Variants in ADGRL2 observed in about 807,000 individuals in gnomAD.
The protein encoded by ADGRL2 is adhesion G protein-coupled receptor L2, also known as calcium-independent alpha-latrotoxin receptor 2.
In ADGRL2, 44 loss-of-function variants were observed where a neutral mutation model predicts 157.4. The ratio of observed to expected loss-of-function variants is 0.28; its 90% confidence interval spans 0.22 to 0.36. The LOEUF is 0.36. Among genes scored for constraint, ADGRL2 ranks in the 10% least tolerant of loss-of-function variants. ADGRL2 has a pLI of 1.00. For synonymous variants in ADGRL2, 585 were observed against 624.7 expected (o/e 0.94, Z 0.95); for missense variants, 1,510 against 1,768.9 (o/e 0.85, Z 2.63).
intron 3 of ADGRL2, among the ~76,000 whole-genome samples, chr1:81,909,085 A>G (rs2094650539): frequency 6.6e-6 from 1 of 152,088 alleles, no homozygotes; most frequent in Non-Finnish European, 1.5e-5. Context: ...CATGTTGGCC[A>G]GGCTGGTCTC....
intron 3 of ADGRL2, among the ~76,000 whole-genome samples, chr1:81,930,374 T>C (rs2095203309): frequency 6.6e-6 from 1 of 152,210 alleles, no homozygotes; most frequent in Non-Finnish European, 1.5e-5. Context: ...ATAATACACT[T>C]TTATAAAATG....
In ADGRL2 at chr1:81,966,500, G is replaced by T. The variant is rs141656433; in HGVS notation, c.2240G>T (p.Arg747Leu). 1,916 of 1,613,644 alleles carry T rather than the reference G, an allele frequency of 1.2e-3. 3 individuals are homozygous for T. The highest frequency in any genetic ancestry group is 3.0e-3 in the Middle Eastern group (18 of 6,062). The change falls in exon 13 of 24, where the codon CGT (arginine) becomes CTT (leucine). Residue 747 changes from arginine (R) to leucine (L), a missense_variant. This residue lies in a region of ADGRL2 where 497 missense variants were observed against 627.2 expected (regional missense o/e 0.79). Transcript: ENST00000686636. ...AAACTGGGTGCTGATTTTATTGGTCGTAATAGCACCATTGCAGTGAACTCT... is the reference window on the plus strand; with the variant it reads ...AAACTGGGTGCTGATTTTATTGGTCTTAATAGCACCATTGCAGTGAACTCT... ...TIKLGADFIG[R>L]NSTIAVNSHV...
chr1:81,729,748 A>C (rs1196901092), intron 1 of ADGRL2, among the ~76,000 whole-genome samples: 1 of 152,242 alleles, frequency 6.6e-6, no homozygotes, highest in African/African-American at 2.4e-5. Context: ...AAAAGAAAAT[A>C]AATTACATTT....
chr1:81,352,104 G>C (rs1662939669), intron 1 of ADGRL2, among the ~76,000 whole-genome samples: 1 of 152,230 alleles, frequency 6.6e-6, no homozygotes, highest in Non-Finnish European at 1.5e-5. Flanking sequence ...TCTGCACTAG[G>C]TGCACACACG....
intron 2 of ADGRL2, among the ~76,000 whole-genome samples, chr1:81,886,228 G>A (rs1309632560): frequency 2.0e-5 from 3 of 152,142 alleles, no homozygotes; most frequent in African/African-American, 7.2e-5. Flanking sequence ...CTGGAGTGCA[G>A]TGGTGCGATC....
intron 3 of ADGRL2, among the ~76,000 whole-genome samples, chr1:81,910,406 C>T (rs1402910114): frequency 4.6e-5 from 7 of 151,368 alleles, no homozygotes; most frequent in African/African-American, 1.7e-4. Flanking sequence ...TTTTTTTCTT[C>T]ACTGAGCCCC....
chr1:81,417,367 A>G (rs1009238810), intron 1 of ADGRL2, among the ~76,000 whole-genome samples: 23 of 152,328 alleles, frequency 1.5e-4, no homozygotes, highest in African/African-American at 5.3e-4. Context: ...ATATTATTCA[A>G]AAGTTCCTGC....
chr1:81,321,556 A>G (rs572501846), intron 1 of ADGRL2, among the ~76,000 whole-genome samples: 4 of 152,254 alleles, frequency 2.6e-5, no homozygotes, highest in Non-Finnish European at 5.9e-5. Flanking sequence ...TGACTTAGAA[A>G]ATAAGGAGGC....
intron 4 of ADGRL2, among the ~76,000 whole-genome samples, chr1:81,937,738 G>T (rs1387971439): frequency 1.3e-5 from 2 of 151,690 alleles, no homozygotes; most frequent in Non-Finnish European, 3.0e-5. Flanking sequence ...GCTGATTTGA[G>T]ACAGTTTTTG....
intron 3 of ADGRL2, among the ~76,000 whole-genome samples, chr1:81,640,585 T>A (rs2082200259): frequency 6.6e-6 from 1 of 151,520 alleles, no homozygotes; most frequent in Admixed American, 6.6e-5. Flanking sequence ...TGAGCCAAGA[T>A]GGCACCACTG....
chr1:81,951,044 T>G lies in ADGRL2; in HGVS notation c.1531T>G (p.Ser511Ala). The part of the protein sequence containing the change: ...RGTASYLCMI[S>A]TGTWNPKGPD... ...AACTGCCTCATATCTCTGCATGATT[T>G]CCACTGGAACATGGAACCCTAAGGG... The change falls in exon 8 of 24, where the codon TCC becomes GCC. Residue 511 changes from serine to alanine, a missense_variant. Coordinates refer to ENST00000686636, the MANE Select transcript of ADGRL2 (RefSeq NM_001366006.2). 6.2e-7 allele frequency: 1 copy of G among 1,613,256 alleles called. No individual in the cohort carries two copies. The highest frequency in any genetic ancestry group is 1.7e-4 in the Middle Eastern group (1 of 6,060).
At chr1:81,510,591 G>A (rs531495287) in intron 2 of ADGRL2, among the ~76,000 whole-genome samples, 26 of 152,132 alleles carry the variant, frequency 1.7e-4, no homozygotes, top group Middle Eastern at 3.4e-3. Flanking sequence ...ATGCATTGGC[G>A]ATAATATTGA....
In ADGRL2 at chr1:81,394,083, G is replaced by GT. The variant is rs200401212; in HGVS notation, c.-301-50948dup. Among the ~76,000 whole-genome samples the GT allele has an allele frequency of 2.6e-5, 4 of 151,692 alleles. No individual in the cohort carries two copies. In the East Asian group the frequency reaches 5.8e-4, roughly 22 times the overall value. On this transcript the variant is annotated intron_variant, in intron 1 of 24. Transcript: ENST00000370721. ...ATGGAATTACAATATGTAGTTGCCT[G>GT]TTTTTAAAAAAAATGCAAGTTTGAG...
At chr1:81,343,458 G>A (rs1349751142) in intron 1 of ADGRL2, among the ~76,000 whole-genome samples, 1 of 152,116 alleles carries the variant, frequency 6.6e-6, no homozygotes, top group Non-Finnish European at 1.5e-5. Context: ...TGTTTTAAGG[G>A]CCAATGAAAG....
chr1:81,759,396 TAGA>T (rs2085794498), intron 1 of ADGRL2, among the ~76,000 whole-genome samples: 1 of 152,176 alleles, frequency 6.6e-6, no homozygotes, highest in Non-Finnish European at 1.5e-5. Context: ...TTAAAACTGT[TAGA>T]AAGAGCTTAG....
chr1:81,316,191 T>A (rs1414904444), intron 1 of ADGRL2, among the ~76,000 whole-genome samples: 8 of 151,992 alleles, frequency 5.3e-5, no homozygotes, highest in Non-Finnish European at 1.0e-4. Flanking sequence ...TTAAAGTACA[T>A]TGTTTATTTT....
chr1:81,457,490 A>C (rs1381060713), intron 2 of ADGRL2, among the ~76,000 whole-genome samples: 1 of 152,048 alleles, frequency 6.6e-6, no homozygotes, highest in East Asian at 1.9e-4. Flanking sequence ...TACCATTCTC[A>C]GAGAATTAAG....
chr1:81,595,475 A>G (rs1288486493), intron 3 of ADGRL2, among the ~76,000 whole-genome samples: 2 of 152,194 alleles, frequency 1.3e-5, no homozygotes, highest in Admixed American at 6.5e-5. Flanking sequence ...AACTGCTATG[A>G]ATGTACTCAA....
chr1:81,362,488 G>T (rs534148843), intron 1 of ADGRL2, among the ~76,000 whole-genome samples: 26 of 151,652 alleles, frequency 1.7e-4, no homozygotes, highest in African/African-American at 6.0e-4. Flanking sequence ...CTATCATTAT[G>T]CTAATTCCTC....
Sources: allele counts gnomAD v4.1 joint callset (sites outside exome capture counted in the v4.1 genomes callset), GRCh38; gene constraint gnomAD v4.1.1; regional missense constraint gnomAD v4.1.1; transcripts MANE v1.5; gene names NCBI Gene and HGNC (gene_info 2026-07-23, HGNC 2026-07-21).